ATP6V0C: variants seen among roughly 807,000 people sequenced by gnomAD.
The protein encoded by ATP6V0C is V-type proton ATPase 16 kDa proteolipid subunit c.
A neutral mutation model predicts 10.6 loss-of-function variants in ATP6V0C; 2 were observed. The observed-to-expected ratio is 0.19, with a 90% confidence interval of 0.08 to 0.59. ATP6V0C has a LOEUF of 0.59. Among genes scored for constraint, ATP6V0C ranks in the 20% least tolerant of loss-of-function variants. ATP6V0C has a pLI of 0.90. For synonymous variants in ATP6V0C, 128 were observed against 101.3 expected (o/e 1.26, Z -1.59); for missense variants, 89 against 225.9 (o/e 0.39, Z 3.88).
In ATP6V0C at chr16:2,516,349, C is replaced by T. The variant is rs369088543; in HGVS notation, c.79+2167C>T. ...GTCTCAAACTCCTTGTTGCCTCAAA[C>T]GATCCACCTGCTTCTGCCTCGTAAA... On this transcript the variant is annotated intron_variant, in intron 1 of 2. Transcript: ENST00000330398. 5.3e-5 allele frequency among the ~76,000 whole-genome samples: 8 copies of T among 152,244 alleles called. No homozygotes were observed. In the South Asian group the frequency reaches 1.0e-3, roughly 20 times the overall value.
At chr16:2,514,333 C>A (rs2065866006) in intron 1 of ATP6V0C, 151 bp downstream of exon 1, 2 of 837,340 alleles carry the variant, frequency 2.4e-6, no homozygotes, top group Non-Finnish European at 3.3e-6. Flanking sequence ...CGGGGGTCGG[C>A]GCCCCGAGGG....
At chr16:2,515,211 C>T (rs1234978566) in intron 1 of ATP6V0C, among the ~76,000 whole-genome samples, 1 of 152,126 alleles carries the variant, frequency 6.6e-6, no homozygotes, top group African/African-American at 2.4e-5. Flanking sequence ...GGCACTTGGG[C>T]TAGGGCTAGG....
At chr16:2,513,948 T>G, upstream of ATP6V0C, 80 of 588,514 alleles carry the variant, frequency 1.4e-4, no homozygotes, top group East Asian at 1.9e-4. Flanking sequence ...GCGGCCGCCA[T>G]TTTGTTCTGC....
At chr16:2,515,666 C>G (rs967904433) in intron 1 of ATP6V0C, among the ~76,000 whole-genome samples, 3 of 152,272 alleles carry the variant, frequency 2.0e-5, no homozygotes, top group Middle Eastern at 3.4e-3. Context: ...CTCCTCTGTT[C>G]TTTGCCCTCA....
chr16:2,515,272 G>T (rs546741876), intron 1 of ATP6V0C, among the ~76,000 whole-genome samples: 1 of 152,214 alleles, frequency 6.6e-6, no homozygotes, highest in Non-Finnish European at 1.5e-5. Context: ...CTCAGCCTCC[G>T]TGGACTGGCC....
chr16:2,516,859 AGGCTT>A (rs1567421939), intron 1 of ATP6V0C: 1 of 152,288 alleles, frequency 6.6e-6, no homozygotes, highest in Non-Finnish European at 1.5e-5. Flanking sequence ...CAGTCTGGTC[AGGCTT>A]GGCCTCCGGA....
At chr16:2,518,847 C>G (rs2065891412) in intron 1 of ATP6V0C, among the ~76,000 whole-genome samples, 1 of 152,212 alleles carries the variant, frequency 6.6e-6, no homozygotes, top group South Asian at 2.1e-4. Context: ...CAAGGGTCGA[C>G]TGACCCTGAC....
chr16:2,519,488 G>A, intron 2 of ATP6V0C, 53 bp from the exon 3 acceptor site: 1 of 1,546,476 alleles, frequency 6.5e-7, no homozygotes, highest in Admixed American at 1.9e-5. Flanking sequence ...CCGGACCCTT[G>A]TCTCCCCCTG....
Position 2,520,052 on chromosome 16 carries a change from C to T in ATP6V0C, c.*307C>T. 1 of 640,262 alleles carries T rather than the reference C, an allele frequency of 1.6e-6. No homozygotes were observed. Among genetic ancestry groups the T allele is most frequent in the Non-Finnish European group, 2.9e-6 (1 of 346,638 alleles). 39.7% of individuals were successfully genotyped at this position (640,262 alleles called of 1,614,324 possible). ...TGGATGTTTATTTATAAAGATCTGG[C>T]CTGTTCCTGCGTCTGCGGAGCGGCC... On this transcript the variant is annotated 3_prime_UTR_variant, in exon 3 of 3. Transcript: ENST00000330398.
intron 1 of ATP6V0C, among the ~76,000 whole-genome samples, chr16:2,518,304 C>T (rs541622077): frequency 3.3e-5 from 5 of 152,336 alleles, no homozygotes; most frequent in African/African-American, 9.6e-5. Flanking sequence ...AAAAGAAAGG[C>T]AACATTCTCT....
chr16:2,516,379 T>TG (rs2065877414), intron 1 of ATP6V0C, among the ~76,000 whole-genome samples: 1 of 152,148 alleles, frequency 6.6e-6, no homozygotes, highest in Non-Finnish European at 1.5e-5. Flanking sequence ...CGTAAAGGGC[T>TG]GGGATTATAG....
At chr16:2,513,884 C>A (rs1422710023), upstream of ATP6V0C, 1 of 434,224 alleles carries the variant, frequency 2.3e-6, no homozygotes, top group East Asian at 4.1e-5. Flanking sequence ...GTCTCCCCCA[C>A]GGTGCGAAGT....
chr16:2,514,867 G>A (rs1234363443), intron 1 of ATP6V0C, among the ~76,000 whole-genome samples: 1 of 152,200 alleles, frequency 6.6e-6, no homozygotes, highest in Non-Finnish European at 1.5e-5. Context: ...GTGTGGAAGT[G>A]GAGGGAGCGG....
At chr16:2,513,915 G>A (rs942179827), upstream of ATP6V0C, 49 of 541,440 alleles carry the variant, frequency 9.0e-5, no homozygotes, top group Non-Finnish European at 1.5e-4. Flanking sequence ...GCAGGGGCGG[G>A]GCCCAGGTCA....
At position 2,519,976 on chromosome 16, in the gene ATP6V0C, C is replaced by G. The variant is rs1157015990; in HGVS notation, c.*231C>G. ...CCTCCAGGCCCCCGGCGCCCCACCC[C>G]CTAGAGTGCTCTGTGTATGCGGATG... is the stretch of plus-strand genomic sequence containing the variant. On this transcript the variant is annotated 3_prime_UTR_variant, in exon 3 of 3. Transcript: ENST00000330398. 1.4e-5 allele frequency: 10 copies of G among 704,838 alleles called. No homozygotes were observed. Among genetic ancestry groups the G allele is most frequent in the Non-Finnish European group, 2.6e-5 (10 of 389,984 alleles). The allele number at this position is 704,838 out of a possible 1,614,324, so 43.7% of individuals were successfully genotyped here.
chr16:2,514,243 C>G, intron 1 of ATP6V0C, 61 bp downstream of exon 1: 2 of 1,469,028 alleles, frequency 1.4e-6, no homozygotes, highest in Non-Finnish European at 1.8e-6. Context: ...ATGCCCGCAG[C>G]TCGCCGGGGT....
Position 2,513,960 on chromosome 16 carries a change from G to T in ATP6V0C, c.-144G>T. The T allele has an allele frequency of 1.4e-6, 1 of 697,546 alleles. No individual in the cohort carries two copies. The highest frequency in any genetic ancestry group is 2.3e-6 in the Non-Finnish European group (1 of 429,988). The allele number at this position is 697,546 out of a possible 1,614,324, so 43.2% of individuals were successfully genotyped here. A position where few individuals can be genotyped will look rare whatever the true frequency, so the allele number is the denominator to read the frequency against. The stretch of plus-strand genomic sequence containing the variant: ...GCCGCGGCCGCCATTTTGTTCTGCG[G>T]TGCTGGTATTTAGAGCGCAGCGGCT... On this transcript the variant is annotated 5_prime_UTR_variant, in exon 1 of 3. Coordinates refer to ENST00000330398, the MANE Select transcript of ATP6V0C (RefSeq NM_001694.4).
At chr16:2,519,017 G>A in intron 1 of ATP6V0C, 1 of 558,936 alleles carries the variant, frequency 1.8e-6, no homozygotes. Context: ...GGAAGGAGGA[G>A]TGGCTGTCCT....
At chr16:2,517,753 G>C (rs1186392972) in intron 1 of ATP6V0C, 3 of 134,754 alleles carry the variant, frequency 2.2e-5, no homozygotes, top group South Asian at 2.3e-4. Context: ...GTGTGTGTGT[G>C]TCTGTCAGAG....
Sources: gnomAD v4.1 joint callset for allele counts (sites outside exome capture counted in the v4.1 genomes callset) on GRCh38, gnomAD v4.1.1 for gene constraint, MANE v1.5 for transcripts, NCBI Gene and HGNC (gene_info 2026-07-23, HGNC 2026-07-21) for gene names.